Variants in LIMK2 observed in about 807,000 individuals in gnomAD.
LIMK2 encodes LIM domain kinase 2.
In LIMK2, 35 loss-of-function variants were observed where a neutral mutation model predicts 75.7. That is an observed-to-expected ratio of 0.46 (90% CI 0.35 to 0.61). LIMK2 has a LOEUF of 0.61. LIMK2 is among the 20% of genes least tolerant of loss of function. The pLI, the probability that LIMK2 is intolerant of heterozygous loss-of-function variation, is 0.00. For missense variants in LIMK2, 623 were observed against 831.0 expected (o/e 0.75, Z 3.08); for synonymous variants, 301 against 319.2 (o/e 0.94, Z 0.61).
At chr22:31,254,129 C>G (rs2048753165) in intron 2 of LIMK2, among the ~76,000 whole-genome samples, 1 of 152,260 alleles carries the variant, frequency 6.6e-6, no homozygotes, top group Non-Finnish European at 1.5e-5. Flanking sequence ...TTCTTCCCAG[C>G]AGGCTGGCCT....
At chr22:31,255,584 C>T (rs1214993272) in intron 2 of LIMK2, among the ~76,000 whole-genome samples, 1 of 152,182 alleles carries the variant, frequency 6.6e-6, no homozygotes, top group East Asian at 1.9e-4. Flanking sequence ...CCCCTCTTCT[C>T]TACCTCCCGC....
intron 5 of LIMK2, among the ~76,000 whole-genome samples, chr22:31,261,415 G>A (rs964061099): frequency 5.3e-5 from 8 of 152,120 alleles, no homozygotes; most frequent in Non-Finnish European, 8.8e-5. Flanking sequence ...GCATGGTGGC[G>A]GACGCCTGTA....
At chr22:31,225,589 C>A in intron 1 of LIMK2, 131 bp from the exon 2 acceptor site, 1 of 639,666 alleles carries the variant, frequency 1.6e-6, no homozygotes, top group Non-Finnish European at 2.9e-6. Context: ...AGAAACTGTG[C>A]ATCTAGCAGA....
chr22:31,262,775 A>G lies in LIMK2; in HGVS notation c.838A>G (p.Arg280Gly). Residue 280 changes from arginine (R) to glycine (G), a missense_variant, in exon 7 of 16, where the codon AGG (arginine) becomes GGG (glycine). This residue lies in a region of LIMK2 where 514 missense variants were observed against 661.3 expected (regional missense o/e 0.78). Transcript: ENST00000331728. This position sits in a 1 kb window ranked among gnomAD's most constrained non-coding sequence, Gnocchi z 5.0. ...DTKENLEGTLRRRSLRRSNSI... is the reference protein window; with the variant it reads ...DTKENLEGTLGRRSLRRSNSI... ...CAAGGAGAATCTGGAGGGGACACTG[A>G]GGAGACGTTCCCTAAGGTGCCACCT... 6.2e-7 allele frequency: 1 copy of G among 1,609,592 alleles called. No individual in the cohort carries two copies. Among genetic ancestry groups the G allele is most frequent in the Non-Finnish European group, 8.5e-7 (1 of 1,177,406 alleles).
In LIMK2 at chr22:31,262,685, G is replaced by A. The variant is rs1481955268; in HGVS notation, c.748G>A (p.Glu250Lys). The change falls in exon 7 of 16, where the codon GAG (glutamate) becomes AAG (lysine). Residue 250 changes from glutamate to lysine, a missense_variant. Coordinates refer to ENST00000331728, the MANE Select transcript of LIMK2 (RefSeq NM_005569.4). The surrounding 1 kb of genome is among the most constrained non-coding windows in gnomAD (Gnocchi z 5.0). ...CCAACGCCTGGACCAGCTGCGGCTG[G>A]AGGCCCGGCTCGCTCCTCACATGCA... Reference protein sequence around the residue: ...VSQRLDQLRLEARLAPHMQNA... With the variant: ...VSQRLDQLRLKARLAPHMQNA... 6.2e-7 allele frequency: 1 copy of A among 1,614,180 alleles called. No individual in the cohort carries two copies.
At chr22:31,244,793 C>A (rs2048652548) in intron 2 of LIMK2, among the ~76,000 whole-genome samples, 1 of 152,198 alleles carries the variant, frequency 6.6e-6, no homozygotes, top group Non-Finnish European at 1.5e-5. Flanking sequence ...AGACTTTGTG[C>A]CAAGGGCTTA....
At chr22:31,213,568 A>G (rs2048365673) in intron 1 of LIMK2, among the ~76,000 whole-genome samples, 1 of 152,148 alleles carries the variant, frequency 6.6e-6, no homozygotes. Flanking sequence ...TTCACTGGTG[A>G]TAACAGACTT....
rs28678535 is a variant in LIMK2 at position 31,237,282 on chromosome 22, G to A, written c.116+11463G>A. 0.036 allele frequency among the ~76,000 whole-genome samples: 5,213 copies of A among 146,694 alleles called. 463 individuals are homozygous for A. In the East Asian group the frequency reaches 0.38, roughly 11 times the overall value. ...TCTCAAAAAAAAAAAAAAAAATGGAGGTTGGGCGCGGTGGCTCGCGCCTGT... is the reference window on the plus strand; with the variant it reads ...TCTCAAAAAAAAAAAAAAAAATGGAAGTTGGGCGCGGTGGCTCGCGCCTGT... On this transcript the variant is annotated intron_variant, in intron 2 of 15. Transcript: ENST00000331728.
At chr22:31,228,143 G>A (rs544146837) in intron 2 of LIMK2, among the ~76,000 whole-genome samples, 3 of 152,236 alleles carry the variant, frequency 2.0e-5, no homozygotes, top group East Asian at 3.9e-4. Flanking sequence ...CAGGCCAGGC[G>A]TGGTGGCTCA....
At position 31,276,796 on chromosome 22, in the gene LIMK2, C is replaced by G. The variant is rs779186715; in HGVS notation, c.1772+1488C>G. On this transcript the variant is annotated intron_variant, in intron 15 of 15. Transcript: ENST00000331728. ...CCACGCATCTACTTTCAGAGCCCCC[C>G]CCGGGGCCGCAGGAGAGGGCCCGGG... 22 of 1,609,234 alleles carry G rather than the reference C, an allele frequency of 1.4e-5. No individual in the cohort carries two copies. The highest frequency in any genetic ancestry group is 3.3e-5 in the Admixed American group (2 of 59,730).
chr22:31,271,320 T>C, intron 12 of LIMK2, 119 bp downstream of exon 12: 2 of 798,498 alleles, frequency 2.5e-6, no homozygotes, highest in Non-Finnish European at 4.4e-6. Context: ...TAGGAGCTCC[T>C]ATCTTTCCCT....
rs1466567966 is a variant in LIMK2, at chr22:31,276,522, C to A, written c.1772+1214C>A. Among the ~76,000 whole-genome samples, 3 of 146,880 alleles carry A rather than the reference C, an allele frequency of 2.0e-5. No individual in the cohort carries two copies. The East Asian group carries it at 6.0e-4, about 29-fold the overall frequency. On this transcript the variant is annotated intron_variant, in intron 15 of 15. Coordinates refer to ENST00000331728, the MANE Select transcript of LIMK2 (RefSeq NM_005569.4). ...GCGGATCGGCGGGGAGGGGGCGGGG[C>A]GCGACCAGGCCAGGCCCGGGGGCTC...
At chr22:31,217,503 A>G (rs1466961871) in intron 1 of LIMK2, among the ~76,000 whole-genome samples, 1 of 152,208 alleles carries the variant, frequency 6.6e-6, no homozygotes, top group Non-Finnish European at 1.5e-5. Flanking sequence ...AAATGAGAAC[A>G]ATAATAGTTC....
At position 31,240,941 on chromosome 22, in the gene LIMK2, C is replaced by T. The variant is rs1047725305; in HGVS notation, c.116+15122C>T. On this transcript the variant is annotated intron_variant, in intron 2 of 15. Coordinates refer to ENST00000331728, the MANE Select transcript of LIMK2 (RefSeq NM_005569.4). ...CAAGCTATCTGTACATTCATTTTCT[C>T]GTTTGTAACAAGGTAATGATAGTGA... Among the ~76,000 whole-genome samples the T allele has an allele frequency of 2.6e-5, 4 of 152,148 alleles. No individual in the cohort carries two copies. The East Asian group carries it at 7.7e-4, about 29-fold the overall frequency.
intron 2 of LIMK2, among the ~76,000 whole-genome samples, chr22:31,232,081 T>G (rs1481613761): frequency 6.6e-6 from 1 of 151,838 alleles, no homozygotes; most frequent in Admixed American, 6.6e-5. Context: ...CCCAAAGTGC[T>G]TGGGATTACG....
At chr22:31,226,024 G>A (rs1000399217) in intron 2 of LIMK2, among the ~76,000 whole-genome samples, 6 of 152,140 alleles carry the variant, frequency 3.9e-5, no homozygotes, top group Non-Finnish European at 8.8e-5. Flanking sequence ...CCATAAATGG[G>A]CCAGCTGGAG....
Position 31,212,378 on chromosome 22 carries a change from T to G in LIMK2, c.-31T>G, listed in dbSNP as rs549257471. The G allele has an allele frequency of 1.4e-4, 189 of 1,335,776 alleles. 2 individuals carry two copies. In the South Asian group the frequency reaches 3.9e-3, roughly 27 times the overall value. 82.7% of individuals were successfully genotyped at this position (1,335,776 alleles called of 1,614,324 possible). ...GAGGGGAGCTGCTGTGTCCCCCGCC[T>G]CCTCCTCCCCATTTCCGCGCTCCCG... On this transcript the variant is annotated 5_prime_UTR_variant, in exon 1 of 16. Transcript: ENST00000331728.
Position 31,279,758 on chromosome 22 carries a change from G to A in LIMK2, c.*1317G>A, listed in dbSNP as rs2049067848. On this transcript the variant is annotated 3_prime_UTR_variant, in exon 16 of 16. Coordinates refer to ENST00000331728, the MANE Select transcript of LIMK2 (RefSeq NM_005569.4). Reference sequence around the variant, plus strand: ...AATGCAATGTGTGGTGGTTGTATTGGAGCAGGGGGAATTGATAAAGGAGAG... The same window carrying A: ...AATGCAATGTGTGGTGGTTGTATTGAAGCAGGGGGAATTGATAAAGGAGAG... 6.6e-6 allele frequency: 1 copy of A among 152,232 alleles called. No homozygotes were observed. Among genetic ancestry groups the A allele is most frequent in the South Asian group, 2.1e-4 (1 of 4,832 alleles). The allele number at this position is 152,232 out of a possible 1,614,324, so 9.4% of individuals were successfully genotyped here.
intron 13 of LIMK2, 107 bp downstream of exon 13, chr22:31,272,811 A>T: frequency 6.9e-7 from 1 of 1,448,120 alleles, no homozygotes; most frequent in East Asian, 2.5e-5. Flanking sequence ...GTAGGACCGG[A>T]TACCCAGAGC....
Sources: gnomAD v4.1 joint callset for allele counts (sites outside exome capture counted in the v4.1 genomes callset) on GRCh38, gnomAD v4.1.1 for gene constraint, gnomAD v4.1.1 regional missense constraint, Gnocchi (gnomAD v3.1) non-coding constraint, MANE v1.5 for transcripts, NCBI Gene and HGNC (gene_info 2026-07-23, HGNC 2026-07-21) for gene names.